The following ZSWIM5 variants were observed in gnomAD, a reference collection of about 807,000 sequenced individuals.
ZSWIM5 encodes the protein zinc finger SWIM-type containing 5.
In ZSWIM5, 55 loss-of-function variants were observed where a neutral mutation model predicts 119.6. The ratio of observed to expected loss-of-function variants is 0.46; its 90% CI spans 0.37 to 0.58. The LOEUF (loss-of-function observed/expected upper bound fraction) is 0.58, where lower values mean the gene tolerates loss of function less well. Among genes scored for constraint, ZSWIM5 ranks in the 20% least tolerant of loss-of-function variants. ZSWIM5 has a pLI of 0.00. For synonymous variants in ZSWIM5, 537 were observed against 606.9 expected, an observed-to-expected ratio of 0.88 and a Z score of 1.69; for missense variants, 1,193 against 1,512.8, an observed-to-expected ratio of 0.79 and a Z score of 3.51.
intron 1 of ZSWIM5, among the ~76,000 whole-genome samples, chr1:45,121,299 A>G (rs1645590510): frequency 6.6e-6 from 1 of 152,106 alleles, no homozygotes; most frequent in South Asian, 2.1e-4. Flanking sequence ...CTCATACAGT[A>G]GTCAGTTTTC....
intron 1 of ZSWIM5, among the ~76,000 whole-genome samples, chr1:45,100,154 G>A (rs1645429881): frequency 6.6e-6 from 1 of 152,170 alleles, no homozygotes; most frequent in Non-Finnish European, 1.5e-5. Flanking sequence ...AAACTCCATT[G>A]TCTCAGCCCA....
chr1:45,045,611 C>CT lies in ZSWIM5; in HGVS notation c.1433-2217dup, dbSNP rs531885972. ...CACAGAAAGCACAATGACTCTTCTA[C>CT]TGGCTGGAATCTAAGCTCCTCTACT... On this transcript the variant is annotated intron_variant, in intron 5 of 13. Coordinates refer to ENST00000359600, the MANE Select transcript of ZSWIM5 (RefSeq NM_020883.2). Among the ~76,000 whole-genome samples, 118 of 152,296 alleles carry CT rather than the reference C, an allele frequency of 7.7e-4. 1 individual carries two copies. Among genetic ancestry groups the CT allele is most frequent in the Admixed American group, 1.4e-3 (22 of 15,300 alleles).
At chr1:45,107,641 C>CA (rs931372052) in intron 1 of ZSWIM5, among the ~76,000 whole-genome samples, 6,455 of 67,720 alleles carry the variant, frequency 0.095, 756 homozygotes, top group African/African-American at 0.26. Context: ...GACTCTGTCT[C>CA]AAAAAAAAAA....
intron 2 of ZSWIM5, among the ~76,000 whole-genome samples, chr1:45,067,898 A>G (rs948138315): frequency 6.6e-6 from 1 of 152,140 alleles, no homozygotes; most frequent in African/African-American, 2.4e-5. Context: ...CTTTAACATT[A>G]TAGTCTGAAT....
chr1:45,066,403 T>A (rs1645184360), intron 2 of ZSWIM5, among the ~76,000 whole-genome samples: 1 of 151,912 alleles, frequency 6.6e-6, no homozygotes, highest in Non-Finnish European at 1.5e-5. Flanking sequence ...CTGAAGCAAA[T>A]AATCACATGT....
At chr1:45,107,766 C>A (rs1645490904) in intron 1 of ZSWIM5, among the ~76,000 whole-genome samples, 1 of 151,926 alleles carries the variant, frequency 6.6e-6, no homozygotes, top group Admixed American at 6.6e-5. Context: ...AACTGCAGAT[C>A]AGATGCCTCC....
At chr1:45,126,114 T>A in intron 1 of ZSWIM5, among the ~76,000 whole-genome samples, 2 of 145,410 alleles carry the variant, frequency 1.4e-5, no homozygotes. Flanking sequence ...GAAAAAAAAA[T>A]CTCAAATTAA....
At chr1:45,179,242 A>G (rs1646000031) in intron 1 of ZSWIM5, among the ~76,000 whole-genome samples, 1 of 152,152 alleles carries the variant, frequency 6.6e-6, no homozygotes, top group Non-Finnish European at 1.5e-5. Context: ...AATGAGGTAC[A>G]TCCCATGGTA....
rs551822266 is a variant in ZSWIM5, at chr1:45,066,226, C to T, written c.953-5979G>A. Among the ~76,000 whole-genome samples the T allele has an allele frequency of 2.6e-4, 39 of 152,202 alleles. 1 individual carries two copies. The South Asian group carries it at 5.6e-3, about 22-fold the overall frequency. ...TTTATGGCTGTATAGTATTCCCCCCCATGGAGAATTTTCTAAGACATTTTC... is the reference window on the plus strand; with the variant it reads ...TTTATGGCTGTATAGTATTCCCCCCTATGGAGAATTTTCTAAGACATTTTC... On this transcript the variant is annotated intron_variant, in intron 2 of 13. Transcript: ENST00000359600.
chr1:45,018,829 G>T lies in ZSWIM5; in HGVS notation c.3183C>A (p.Ile1061=). The change falls in exon 14 of 14, where the codon ATC becomes ATA. Residue 1061 remains isoleucine, a synonymous_variant. Transcript: ENST00000359600. The surrounding 1 kb of genome is among the most constrained non-coding windows in gnomAD (Gnocchi z 6.7). ...AGTGCACACTCTTCACCACCAGGGG[G>T]ATGAGAGCTGCCAGCTCATTCTTGC... ...SLGKNELAAL[I]PLVVKSVHCA... 6.2e-7 allele frequency: 1 copy of T among 1,614,254 alleles called. No homozygotes were observed. The highest frequency in any genetic ancestry group is 8.5e-7 in the Non-Finnish European group (1 of 1,180,040).
intron 2 of ZSWIM5, among the ~76,000 whole-genome samples, chr1:45,085,981 ACTG>A (rs1006885515): frequency 1.8e-4 from 28 of 152,108 alleles, no homozygotes; most frequent in Non-Finnish European, 4.0e-4. Context: ...ACATTCTTGC[ACTG>A]CTATAAAAAA....
chr1:45,059,887 C>G (rs914017195), intron 3 of ZSWIM5, among the ~76,000 whole-genome samples: 1 of 152,116 alleles, frequency 6.6e-6, no homozygotes, highest in Non-Finnish European at 1.5e-5. Flanking sequence ...GAGAGCAGAG[C>G]AGAAGGAACA....
chr1:45,154,566 A>C (rs1645816276), intron 1 of ZSWIM5, among the ~76,000 whole-genome samples: 1 of 152,146 alleles, frequency 6.6e-6, no homozygotes, highest in Non-Finnish European at 1.5e-5. Context: ...CTGGATCCTC[A>C]TCTCTCACCT....
chr1:45,167,549 A>G (rs1219055787), intron 1 of ZSWIM5, among the ~76,000 whole-genome samples: 6 of 151,950 alleles, frequency 3.9e-5, no homozygotes, highest in Non-Finnish European at 8.8e-5. Flanking sequence ...CTACAGAATG[A>G]GAGAAAATTT....
At chr1:45,028,673 T>C (rs1644934145) in intron 11 of ZSWIM5, among the ~76,000 whole-genome samples, 1 of 152,056 alleles carries the variant, frequency 6.6e-6, no homozygotes, top group Non-Finnish European at 1.5e-5. Flanking sequence ...GGAGATTCAT[T>C]TGAACTCCGG....
intron 5 of ZSWIM5, among the ~76,000 whole-genome samples, chr1:45,046,367 C>T (rs1325453632): frequency 1.3e-5 from 2 of 152,080 alleles, no homozygotes; most frequent in Non-Finnish European, 2.9e-5. Flanking sequence ...TAGTTGGATT[C>T]TGGATATATT....
chr1:45,031,839 C>CAAA (rs71040536), intron 11 of ZSWIM5, among the ~76,000 whole-genome samples: 6 of 98,860 alleles, frequency 6.1e-5, no homozygotes, highest in Admixed American at 1.1e-4. Context: ...GACTCCATCT[C>CAAA]AAAAAAAAAA....
chr1:45,130,509 A>T (rs959596939), intron 1 of ZSWIM5, among the ~76,000 whole-genome samples: 3 of 152,144 alleles, frequency 2.0e-5, no homozygotes. Context: ...ACAGGCCACT[A>T]GGGAAAAACA....
intron 1 of ZSWIM5, among the ~76,000 whole-genome samples, chr1:45,122,070 T>G (rs970648923): frequency 2.6e-4 from 39 of 152,228 alleles, no homozygotes; most frequent in African/African-American, 9.2e-4. Context: ...AGTACACAAT[T>G]AATTACATTC....
Sources: allele counts gnomAD v4.1 joint callset (sites outside exome capture counted in the v4.1 genomes callset), GRCh38; gene constraint gnomAD v4.1.1; non-coding constraint Gnocchi (gnomAD v3.1); transcripts MANE v1.5; gene names NCBI Gene and HGNC (gene_info 2026-07-23, HGNC 2026-07-21).